HTR7: variants seen among roughly 807,000 people sequenced by gnomAD.
HTR7 encodes the protein 5-HT-7.
A neutral mutation model predicts 34.0 loss-of-function variants in HTR7; 16 were observed. That is an observed-to-expected ratio of 0.47 (90% confidence interval 0.32 to 0.71). The LOEUF is 0.71. Among genes scored for constraint, HTR7 ranks in the 30% least tolerant of loss-of-function variants. The pLI is 0.04. For missense variants in HTR7, 504 were observed against 625.5 expected (o/e 0.81, Z 2.07); for synonymous variants, 265 against 260.2 (o/e 1.02, Z -0.18).
intron 1 of HTR7, among the ~76,000 whole-genome samples, chr10:90,841,644 T>C (rs924889445): frequency 2.6e-5 from 4 of 152,114 alleles, no homozygotes; most frequent in Admixed American, 1.3e-4. Context: ...CAAGAGAAAA[T>C]GGTCCATGGT....
intron 1 of HTR7, among the ~76,000 whole-genome samples, chr10:90,782,331 C>G (rs924381415): frequency 2.6e-5 from 4 of 152,126 alleles, no homozygotes; most frequent in African/African-American, 7.2e-5. Flanking sequence ...GCACTTGTAA[C>G]ATAGGGCTAC....
intron 1 of HTR7, among the ~76,000 whole-genome samples, chr10:90,808,797 CCTTA>C (rs1347257676): frequency 6.6e-6 from 1 of 152,128 alleles, no homozygotes; most frequent in African/African-American, 2.4e-5. Context: ...AACCTAAATG[CCTTA>C]CTTTCTTCTG....
At chr10:90,751,095 C>T (rs1844725934) in intron 1 of HTR7, among the ~76,000 whole-genome samples, 1 of 152,176 alleles carries the variant, frequency 6.6e-6, no homozygotes, top group African/African-American at 2.4e-5. Context: ...TCTTCATTTG[C>T]AAACTTCCGC....
chr10:90,842,673 C>A (rs1352738084), intron 1 of HTR7, among the ~76,000 whole-genome samples: 1 of 150,816 alleles, frequency 6.6e-6, no homozygotes, highest in African/African-American at 2.4e-5. Flanking sequence ...CCATGGCTTT[C>A]TTTCTGGGAT....
At chr10:90,839,848 C>A (rs1462649529) in intron 1 of HTR7, among the ~76,000 whole-genome samples, 1 of 152,060 alleles carries the variant, frequency 6.6e-6, no homozygotes, top group Non-Finnish European at 1.5e-5. Flanking sequence ...TGACTCATAT[C>A]TCTTTCAAGA....
At chr10:90,763,792 A>T (rs1844975919) in intron 1 of HTR7, among the ~76,000 whole-genome samples, 1 of 152,120 alleles carries the variant, frequency 6.6e-6, no homozygotes, top group Admixed American at 6.6e-5. Context: ...AAAGGACATG[A>T]TCTCATTCTT....
intron 1 of HTR7, among the ~76,000 whole-genome samples, chr10:90,832,214 C>T (rs1225580561): frequency 6.6e-6 from 1 of 152,154 alleles, no homozygotes; most frequent in African/African-American, 2.4e-5. Flanking sequence ...GACCAGGCGC[C>T]GTGGAGCAGG....
In HTR7 at chr10:90,749,600, G is replaced by T. The variant is rs370851677; in HGVS notation, c.540-6C>A. ...GCCTTGTGATCCCAAGGTACCTAGT[G>T]GAGAGATGGAAAGATAACAGATGAA... On this transcript the variant is annotated splice_region_variant and splice_polypyrimidine_tract_variant and intron_variant, in intron 1 of 3. Coordinates refer to ENST00000336152, the MANE Select transcript of HTR7 (RefSeq NM_019859.4). The surrounding 1 kb of genome is among the most constrained non-coding windows in gnomAD (Gnocchi z 4.2). 7.5e-6 allele frequency: 12 copies of T among 1,598,916 alleles called. No individual in the cohort carries two copies. Among genetic ancestry groups the T allele is most frequent in the Non-Finnish European group, 1.0e-5 (12 of 1,171,290 alleles).
chr10:90,831,506 G>A (rs1330156222), intron 1 of HTR7, among the ~76,000 whole-genome samples: 1 of 152,240 alleles, frequency 6.6e-6, no homozygotes, highest in South Asian at 2.1e-4. Flanking sequence ...CCAAAAAGTG[G>A]GCAGTAGCAA....
chr10:90,760,312 A>C (rs894951514), intron 1 of HTR7, among the ~76,000 whole-genome samples: 2 of 152,196 alleles, frequency 1.3e-5, no homozygotes, highest in African/African-American at 4.8e-5. Context: ...TAGGAGTAAA[A>C]AGGAGGACAG....
intron 2 of HTR7, 134 bp downstream of exon 2, chr10:90,748,704 GT>G: frequency 9.9e-7 from 1 of 1,006,588 alleles, no homozygotes; most frequent in Non-Finnish European, 1.5e-6. Context: ...AGTCTATACT[GT>G]TGTCAATTCA....
At chr10:90,846,230 A>G (rs1024757333) in intron 1 of HTR7, among the ~76,000 whole-genome samples, 1 of 152,238 alleles carries the variant, frequency 6.6e-6, no homozygotes, top group African/African-American at 2.4e-5. Flanking sequence ...CAGTGAAATG[A>G]TATGAAGTAA....
At position 90,857,821 on chromosome 10, in the gene HTR7, G is replaced by A; in HGVS notation, c.-150C>T. On this transcript the variant is annotated 5_prime_UTR_variant, in exon 1 of 4. Coordinates refer to ENST00000336152, the MANE Select transcript of HTR7 (RefSeq NM_019859.4). The surrounding 1 kb of genome is among the most constrained non-coding windows in gnomAD (Gnocchi z 6.5). ...GCTGGGGGGCGCCTGGCTCTGTCTCGGAGCCCCGCACTCCCCGGACCCCCG... is the reference window on the plus strand; with the variant it reads ...GCTGGGGGGCGCCTGGCTCTGTCTCAGAGCCCCGCACTCCCCGGACCCCCG... 2.8e-6 allele frequency: 2 copies of A among 722,978 alleles called. No individual in the cohort carries two copies. The highest frequency in any genetic ancestry group is 4.5e-5 in the Admixed American group (1 of 22,194). The allele number at this position is 722,978 out of a possible 1,614,324, so 44.8% of individuals were successfully genotyped here.
At chr10:90,832,814 A>C (rs943975599) in intron 1 of HTR7, among the ~76,000 whole-genome samples, 12 of 152,170 alleles carry the variant, frequency 7.9e-5, no homozygotes, top group Admixed American at 2.0e-4. Context: ...AAGAGGACAA[A>C]ACATGGTCCA....
intron 1 of HTR7, among the ~76,000 whole-genome samples, chr10:90,845,445 G>A (rs1846401034): frequency 6.6e-6 from 1 of 152,130 alleles, no homozygotes; most frequent in Non-Finnish European, 1.5e-5. Flanking sequence ...ATGTATGTGA[G>A]CTTCCTCAGC....
At chr10:90,817,162 C>G (rs1727065199) in intron 1 of HTR7, among the ~76,000 whole-genome samples, 1 of 152,174 alleles carries the variant, frequency 6.6e-6, no homozygotes, top group African/African-American at 2.4e-5. Context: ...GAAATAAAAA[C>G]AATTCTAAAC....
intron 1 of HTR7, among the ~76,000 whole-genome samples, chr10:90,766,212 CATAA>C (rs1035032701): frequency 5.3e-5 from 8 of 152,154 alleles, no homozygotes; most frequent in Non-Finnish European, 1.0e-4. Context: ...ATGTTAAATG[CATAA>C]ATATTTAAAT....
In HTR7 at chr10:90,857,724, C is replaced by T. The variant is rs1420353147; in HGVS notation, c.-53G>A. 11 of 1,411,786 alleles carry T rather than the reference C, an allele frequency of 7.8e-6. No homozygotes were observed. Among genetic ancestry groups the T allele is most frequent in the South Asian group, 1.5e-5 (1 of 64,958 alleles). The allele number at this position is 1,411,786 out of a possible 1,614,324, so 87.5% of individuals were successfully genotyped here. On this transcript the variant is annotated 5_prime_UTR_variant, in exon 1 of 4. Coordinates refer to ENST00000336152, the MANE Select transcript of HTR7 (RefSeq NM_019859.4). This position sits in a 1 kb window ranked among gnomAD's most constrained non-coding sequence, Gnocchi z 6.5. ...AGCCGGCGCCCCGGCCACGCGCCTCCGGCTGCCGGCCCCGGGGCTTCACCT... is the reference window on the plus strand; with the variant it reads ...AGCCGGCGCCCCGGCCACGCGCCTCTGGCTGCCGGCCCCGGGGCTTCACCT...
intron 1 of HTR7, among the ~76,000 whole-genome samples, chr10:90,850,843 T>A (rs2120123743): frequency 6.6e-6 from 1 of 152,166 alleles, no homozygotes; most frequent in Non-Finnish European, 1.5e-5. Context: ...CAAGCACAGA[T>A]GTAAAACATA....
Sources: allele counts gnomAD v4.1 joint callset (sites outside exome capture counted in the v4.1 genomes callset), GRCh38; gene constraint gnomAD v4.1.1; non-coding constraint Gnocchi (gnomAD v3.1); transcripts MANE v1.5; gene names NCBI Gene and HGNC (gene_info 2026-07-23, HGNC 2026-07-21).